Variants in RANBP2 observed in about 807,000 individuals in gnomAD.
RANBP2 encodes the protein RAN binding protein 2.
RANBP2 carries 57 observed loss-of-function variants against 303.6 expected under a neutral mutation model. That is an observed-to-expected ratio of 0.19 (90% CI 0.15 to 0.23). The LOEUF is 0.23. Ranked by LOEUF, RANBP2 falls within the 10% of genes least tolerant of loss-of-function variation. The pLI, the probability that RANBP2 is intolerant of heterozygous loss-of-function variation, is 1.00. For synonymous variants in RANBP2, 1,167 were observed against 1,301.5 expected, an observed-to-expected ratio of 0.90 and a Z score of 2.23; for missense variants, 3,138 against 3,780.8, an observed-to-expected ratio of 0.83 and a Z score of 4.46.
At chr2:108,962,802 C>G in the RANBP2 span, among the ~76,000 whole-genome samples, 1 of 151,974 alleles carries the variant, frequency 6.6e-6, no homozygotes, top group Non-Finnish European at 1.5e-5. Context: ...ACCGCAGTAC[C>G]ATTCTGTCCA....
chr2:109,613,812 C>T, the RANBP2 span: 11 of 1,234,852 alleles, frequency 8.9e-6, no homozygotes, highest in Non-Finnish European at 1.1e-5. Flanking sequence ...TGCCGCGCCA[C>T]CTCGGAGGAG....
At chr2:109,521,313 A>C in the RANBP2 span, among the ~76,000 whole-genome samples, 123,153 of 152,090 alleles carry the variant, frequency 0.81, 49,980 homozygotes, top group Middle Eastern at 0.91. Context: ...GCAGGGACAG[A>C]AGGGCTGGCA....
chr2:108,912,721 G>C, the RANBP2 span: 2 of 1,603,212 alleles, frequency 1.2e-6, no homozygotes, highest in South Asian at 2.3e-5. Context: ...TGCTGCCCGA[G>C]GTGCCAGGGA....
the RANBP2 span, among the ~76,000 whole-genome samples, chr2:109,086,786 T>C: frequency 6.6e-6 from 1 of 152,148 alleles, no homozygotes; most frequent in African/African-American, 2.4e-5. Flanking sequence ...GCCACAGCTT[T>C]CCAAGCAACA....
At chr2:109,297,185 G>C in the RANBP2 span, among the ~76,000 whole-genome samples, 10 of 152,010 alleles carry the variant, frequency 6.6e-5, no homozygotes, top group Middle Eastern at 3.4e-3. Context: ...GCCTCTGCAG[G>C]GGGGTGAGTT....
At chr2:109,613,501 C>T in the RANBP2 span, 1 of 237,694 alleles carries the variant, frequency 4.2e-6, no homozygotes, top group Admixed American at 4.8e-5. Flanking sequence ...CCACAAACAC[C>T]GCTGTGGATG....
At chr2:109,713,237 C>T in the RANBP2 span, among the ~76,000 whole-genome samples, 1 of 152,176 alleles carries the variant, frequency 6.6e-6, no homozygotes, top group Admixed American at 6.5e-5. Flanking sequence ...CTGAGTCCTA[C>T]CCAGTTACGA....
the RANBP2 span, among the ~76,000 whole-genome samples, chr2:109,588,843 T>C: frequency 8.9e-6 from 1 of 112,672 alleles, no homozygotes; most frequent in Admixed American, 1.1e-4. Context: ...CCTAGGTCAA[T>C]TACTATTAAA....
chr2:109,519,491 A>T, the RANBP2 span, among the ~76,000 whole-genome samples: 2 of 152,196 alleles, frequency 1.3e-5, no homozygotes, highest in African/African-American at 4.8e-5. Context: ...TCCTGTTGTT[A>T]AAAGAACTGC....
intron 17 of RANBP2, among the ~76,000 whole-genome samples, chr2:108,756,967 G>A (rs1170172309): frequency 6.6e-6 from 1 of 152,206 alleles, no homozygotes; most frequent in African/African-American, 2.4e-5. Context: ...GTAGATGGAT[G>A]AGTGGGGGAA....
At chr2:109,631,847 T>C in the RANBP2 span, among the ~76,000 whole-genome samples, 16 of 152,144 alleles carry the variant, frequency 1.1e-4, no homozygotes, top group Non-Finnish European at 1.9e-4. Flanking sequence ...GTATGGAGAC[T>C]CTAAAAACCC....
At chr2:109,062,215 C>T in the RANBP2 span, among the ~76,000 whole-genome samples, 1 of 152,250 alleles carries the variant, frequency 6.6e-6, no homozygotes, top group Non-Finnish European at 1.5e-5. Flanking sequence ...CCTGACTTCC[C>T]TCCTCTGAGA....
the RANBP2 span, among the ~76,000 whole-genome samples, chr2:108,931,799 G>A: frequency 5.5e-4 from 84 of 152,042 alleles, 1 homozygote; most frequent in African/African-American, 2.0e-3. Context: ...ATTTTACTTG[G>A]TAGTCTGGGT....
chr2:109,725,773 C>G, the RANBP2 span, among the ~76,000 whole-genome samples: 3 of 151,976 alleles, frequency 2.0e-5, no homozygotes, highest in Non-Finnish European at 1.5e-5. Flanking sequence ...TGCTCTGTCA[C>G]CCAGGCTGGA....
At chr2:109,151,648 A>G in the RANBP2 span, among the ~76,000 whole-genome samples, 1 of 152,228 alleles carries the variant, frequency 6.6e-6, no homozygotes, top group Non-Finnish European at 1.5e-5. Flanking sequence ...TCACCCCTGC[A>G]GTACATCTGA....
the RANBP2 span, among the ~76,000 whole-genome samples, chr2:108,974,044 T>G: frequency 6.6e-6 from 1 of 152,092 alleles, no homozygotes; most frequent in Non-Finnish European, 1.5e-5. Flanking sequence ...AAATGCCACA[T>G]ATTGGTCAGG....
chr2:109,522,426 A>G, the RANBP2 span, among the ~76,000 whole-genome samples: 1 of 151,714 alleles, frequency 6.6e-6, no homozygotes, highest in Non-Finnish European at 1.5e-5. Context: ...CCCCCCAAGT[A>G]TCTGGGATTA....
the RANBP2 span, among the ~76,000 whole-genome samples, chr2:109,532,718 C>G: frequency 1.1e-4 from 16 of 150,456 alleles, no homozygotes; most frequent in African/African-American, 3.9e-4. Context: ...GGAGCTCTTA[C>G]CAAGACCTGG....
the RANBP2 span, among the ~76,000 whole-genome samples, chr2:109,660,377 T>G: frequency 6.6e-6 from 1 of 152,228 alleles, no homozygotes; most frequent in Admixed American, 6.5e-5. Flanking sequence ...ACCAGTTCTC[T>G]TGAGCCACTT....
Sources: allele counts gnomAD v4.1 joint callset (sites outside exome capture counted in the v4.1 genomes callset), GRCh38; gene constraint gnomAD v4.1.1; transcripts MANE v1.5; gene names NCBI Gene and HGNC (gene_info 2026-07-23, HGNC 2026-07-21).